ASIC2: variants seen among roughly 807,000 people sequenced by gnomAD.
ASIC2 encodes the protein acid-sensing ion channel 2.
ASIC2 carries 25 observed loss-of-function variants against 57.3 expected under a neutral mutation model. The observed-to-expected ratio is 0.44, with a 90% CI of 0.32 to 0.61. The LOEUF (loss-of-function observed/expected upper bound fraction) is 0.61, where lower values mean the gene tolerates loss of function less well. ASIC2 is among the 20% of genes least tolerant of loss of function. ASIC2 has a pLI of 0.06. For synonymous variants in ASIC2, 319 were observed against 307.5 expected (o/e 1.04, Z -0.39); for missense variants, 641 against 738.1 (o/e 0.87, Z 1.52).
At chr17:33,386,946 G>A (rs1483340589) in intron 1 of ASIC2, among the ~76,000 whole-genome samples, 2 of 151,754 alleles carry the variant, frequency 1.3e-5, no homozygotes, top group Non-Finnish European at 2.9e-5. Flanking sequence ...TCTTTGGGGT[G>A]TGTGTGTGTG....
At chr17:33,351,217 G>C (rs928535587) in intron 1 of ASIC2, among the ~76,000 whole-genome samples, 3 of 151,892 alleles carry the variant, frequency 2.0e-5, no homozygotes, top group Non-Finnish European at 1.5e-5. Flanking sequence ...ATGGTATTTG[G>C]CCCCCCTCCT....
At chr17:33,248,282 A>G (rs1395329991) in intron 1 of ASIC2, among the ~76,000 whole-genome samples, 1 of 152,234 alleles carries the variant, frequency 6.6e-6, no homozygotes, top group African/African-American at 2.4e-5. Context: ...TGAGAAGGCC[A>G]GTGTAGGTGG....
intron 1 of ASIC2, 44 bp downstream of exon 1, chr17:33,291,364 G>T (rs761735967): frequency 5.8e-6 from 9 of 1,555,048 alleles, no homozygotes; most frequent in Non-Finnish European, 6.1e-6. Context: ...GACTGCCGGG[G>T]AGTGGGGCGC....
At chr17:33,300,844 TA>T (rs1905927945) in intron 1 of ASIC2, among the ~76,000 whole-genome samples, 1 of 152,152 alleles carries the variant, frequency 6.6e-6, no homozygotes, top group South Asian at 2.1e-4. Context: ...GCAGTTTAAC[TA>T]AGATAGGAAA....
chr17:33,156,297 T>C (rs573330585), intron 1 of ASIC2, among the ~76,000 whole-genome samples: 14 of 151,858 alleles, frequency 9.2e-5, no homozygotes, highest in Admixed American at 7.2e-4. Flanking sequence ...CTGGCTAATT[T>C]TTGTATTTTT....
At chr17:33,997,131 ATTTAT>A (rs1322961057) in intron 1 of ASIC2, among the ~76,000 whole-genome samples, 1 of 151,492 alleles carries the variant, frequency 6.6e-6, no homozygotes, top group Non-Finnish European at 1.5e-5. Flanking sequence ...TCCTAAATTT[ATTTAT>A]TTATTTTTAT....
chr17:33,082,671 C>G lies in ASIC2; in HGVS notation c.987+6192G>C, dbSNP rs182630485. ...CAGAGATTGCACCACTGCACTCCAC[C>G]CTGGGCGACAGAGTGAGACTCTGTC... On this transcript the variant is annotated intron_variant, in intron 3 of 9. Coordinates refer to ENST00000225823, the MANE Select transcript of ASIC2 (RefSeq NM_183377.2). Among the ~76,000 whole-genome samples the G allele has an allele frequency of 9.7e-3, 1,463 of 151,406 alleles. 31 individuals are homozygous for G. Among genetic ancestry groups the G allele is most frequent in the African/African-American group, 0.034 (1,400 of 41,222 alleles).
At chr17:34,115,960 C>T (rs934122022) in intron 1 of ASIC2, among the ~76,000 whole-genome samples, 1 of 152,070 alleles carries the variant, frequency 6.6e-6, no homozygotes, top group Non-Finnish European at 1.5e-5. Context: ...GGTTTTGAAG[C>T]CCCAAACTAG....
At chr17:33,054,665 G>A (rs969751954) in intron 3 of ASIC2, among the ~76,000 whole-genome samples, 1 of 152,106 alleles carries the variant, frequency 6.6e-6, no homozygotes, top group African/African-American at 2.4e-5. Flanking sequence ...GTGGCGTCTC[G>A]GGCGTTCCAG....
At chr17:33,735,160 CTG>C (rs1909871704) in intron 1 of ASIC2, among the ~76,000 whole-genome samples, 5 of 152,078 alleles carry the variant, frequency 3.3e-5, no homozygotes, top group Admixed American at 2.0e-4. Context: ...CCCTCATACT[CTG>C]TCTTATTTTT....
chr17:33,316,185 T>A (rs1906637833), intron 1 of ASIC2, among the ~76,000 whole-genome samples: 1 of 152,236 alleles, frequency 6.6e-6, no homozygotes, highest in Admixed American at 6.5e-5. Context: ...CTATGTTTAG[T>A]TTCATACTCT....
At chr17:33,190,594 A>G (rs1906375573) in intron 1 of ASIC2, among the ~76,000 whole-genome samples, 1 of 152,222 alleles carries the variant, frequency 6.6e-6, no homozygotes, top group Admixed American at 6.5e-5. Flanking sequence ...TTGAAAAAGA[A>G]CAATGTTGAC....
intron 1 of ASIC2, among the ~76,000 whole-genome samples, chr17:33,451,971 T>A (rs1195585717): frequency 6.6e-6 from 1 of 152,230 alleles, no homozygotes; most frequent in Non-Finnish European, 1.5e-5. Flanking sequence ...TATTCTCAGT[T>A]AGTTACATGA....
chr17:33,078,398 T>G (rs1462531525), intron 3 of ASIC2, among the ~76,000 whole-genome samples: 1 of 152,222 alleles, frequency 6.6e-6, no homozygotes, highest in Non-Finnish European at 1.5e-5. Flanking sequence ...TTTTAGTTCC[T>G]AGTGTTCAAA....
At chr17:33,363,474 C>G (rs545944666) in intron 1 of ASIC2, among the ~76,000 whole-genome samples, 1 of 152,354 alleles carries the variant, frequency 6.6e-6, no homozygotes, top group Non-Finnish European at 1.5e-5. Context: ...AAATCCTCCT[C>G]TCTGCTCCCA....
rs192126561 is a variant in ASIC2, at chr17:33,704,428, C to T, written c.555+451550G>A. 1.1e-3 allele frequency among the ~76,000 whole-genome samples: 175 copies of T among 152,322 alleles called. 1 individual carries two copies. The highest frequency in any genetic ancestry group is 5.2e-3 in the South Asian group (25 of 4,818). On this transcript the variant is annotated intron_variant, in intron 1 of 9. Coordinates refer to the ASIC2 transcript ENST00000359872. ...TGCATGACTCCTGTAAAGGGAGTCT[C>T]CCTAGTGCCAGTCTTTGCTGTCTCA...
intron 1 of ASIC2, among the ~76,000 whole-genome samples, chr17:33,797,074 A>G (rs1299719183): frequency 7.9e-5 from 12 of 152,166 alleles, no homozygotes; most frequent in Non-Finnish European, 1.6e-4. Context: ...ATGAGAGTGG[A>G]GCCTTTTCTC....
At chr17:33,754,131 T>C (rs1052604029) in intron 1 of ASIC2, among the ~76,000 whole-genome samples, 1 of 152,104 alleles carries the variant, frequency 6.6e-6, no homozygotes, top group African/African-American at 2.4e-5. Flanking sequence ...CACCTCTCTA[T>C]CCCTGTTCTT....
chr17:33,071,348 ATGTTTAATTTGC>A (rs1317425648), intron 3 of ASIC2, among the ~76,000 whole-genome samples: 2 of 152,128 alleles, frequency 1.3e-5, no homozygotes, highest in Non-Finnish European at 2.9e-5. Context: ...TTCCTCTGCA[ATGTTTAATTTGC>A]TGTTCATCTT....
Sources: gnomAD v4.1 joint callset for allele counts (sites outside exome capture counted in the v4.1 genomes callset) on GRCh38, gnomAD v4.1.1 for gene constraint, MANE v1.5 for transcripts, NCBI Gene and HGNC (gene_info 2026-07-23, HGNC 2026-07-21) for gene names.